The following UBE2S variants were observed in gnomAD, a reference collection of about 807,000 sequenced individuals.
UBE2S encodes ubiquitin-conjugating enzyme E2 S.
In UBE2S, 3 loss-of-function variants were observed where a neutral mutation model predicts 12.3. The ratio of observed to expected loss-of-function variants is 0.24; its 90% CI spans 0.11 to 0.63. UBE2S has a LOEUF of 0.63. Among genes scored for constraint, UBE2S ranks in the 30% least tolerant of loss-of-function variants. The pLI is 0.85. For synonymous variants in UBE2S, 133 were observed against 142.0 expected (o/e 0.94, Z 0.45); for missense variants, 211 against 313.9 (o/e 0.67, Z 2.48).
At position 55,400,459 on chromosome 19, in the gene UBE2S, G is replaced by T. The variant is rs1406587335; in HGVS notation, c.*977C>A. On this transcript the variant is annotated 3_prime_UTR_variant, in exon 4 of 4. Coordinates refer to ENST00000264552, the MANE Select transcript of UBE2S (RefSeq NM_014501.3). The stretch of plus-strand genomic sequence containing the variant: ...AGGGCAGAAACTAAGACTAAGCTGG[G>T]ATCTTACCCCTGTGATTTAGTCATT... The T allele has an allele frequency of 6.6e-6, 1 of 152,134 alleles. No individual in the cohort carries two copies. The highest frequency in any genetic ancestry group is 1.5e-5 in the Non-Finnish European group (1 of 68,036). 9.4% of individuals were successfully genotyped at this position (152,134 alleles called of 1,614,324 possible).
chr19:55,404,145 A>C lies in UBE2S; in HGVS notation c.342+143T>G. 9.3e-6 allele frequency: 10 copies of C among 1,075,734 alleles called. No individual in the cohort carries two copies. The highest frequency in any genetic ancestry group is 1.6e-5 in the African/African-American group (1 of 62,964). The allele number at this position is 1,075,734 out of a possible 1,614,324, so 66.6% of individuals were successfully genotyped here. On this transcript the variant is annotated intron_variant, in intron 3 of 3. Coordinates refer to ENST00000264552, the MANE Select transcript of UBE2S (RefSeq NM_014501.3). This position sits in a 1 kb window ranked among gnomAD's most constrained non-coding sequence, Gnocchi z 4.4. ...TCTGGCACTGTTTGTCTTTCCAGGA[A>C]AGCTAGCAACATGGATTTTTATGTG...
At chr19:55,407,556 C>T in intron 1 of UBE2S, 31 bp downstream of exon 1, 4 of 1,520,740 alleles carry the variant, frequency 2.6e-6, no homozygotes, top group Non-Finnish European at 3.5e-6. Context: ...CACCCCCGAC[C>T]ACCTTCATGG....
At position 55,404,260 on chromosome 19, in the gene UBE2S, G is replaced by A. The variant is rs2090082249; in HGVS notation, c.342+28C>T. 1 of 1,611,922 alleles carries A rather than the reference G, an allele frequency of 6.2e-7. No homozygotes were observed. The highest frequency in any genetic ancestry group is 8.5e-7 in the Non-Finnish European group (1 of 1,179,788). ...AGCAGACCTCCAGAGGCAGGAGGCA[G>A]GAGGCCCAGCCCCAGCCCAGAACTC... is the stretch of plus-strand genomic sequence containing the variant. On this transcript the variant is annotated intron_variant, in intron 3 of 3. Transcript: ENST00000264552. This position sits in a 1 kb window ranked among gnomAD's most constrained non-coding sequence, Gnocchi z 4.4.
chr19:55,406,994 G>A lies in UBE2S; in HGVS notation c.4-32C>T, dbSNP rs73932629. 43 of 1,608,454 alleles carry A rather than the reference G, an allele frequency of 2.7e-5. No homozygotes were observed. In the Admixed American group the frequency reaches 7.2e-4, roughly 27 times the overall value. On this transcript the variant is annotated intron_variant, in intron 1 of 3. Coordinates refer to ENST00000264552, the MANE Select transcript of UBE2S (RefSeq NM_014501.3). ...ACGGATGGGAGAGCAGGGTGAGCGA[G>A]TGTTAAGAGCTGGGCTTCCCGCAGG...
chr19:55,403,210 T>C (rs1046521226), intron 3 of UBE2S: 20 of 641,804 alleles, frequency 3.1e-5, no homozygotes, highest in Non-Finnish European at 5.4e-5. Flanking sequence ...CACTGGTTTA[T>C]GAACCCTATC....
chr19:55,403,049 T>C (rs1249165932), intron 3 of UBE2S: 3 of 1,429,308 alleles, frequency 2.1e-6, no homozygotes, highest in South Asian at 1.2e-5. Flanking sequence ...TTCTGTGTCA[T>C]GGAGCCATCT....
intron 2 of UBE2S, among the ~76,000 whole-genome samples, chr19:55,405,082 T>C (rs545810378): frequency 2.7e-5 from 4 of 149,460 alleles, no homozygotes; most frequent in Non-Finnish European, 4.4e-5. Context: ...TGGTGGTGCA[T>C]GCCTGTAATC....
At position 55,401,165 on chromosome 19, in the gene UBE2S, A is replaced by C. The variant is rs2090054709; in HGVS notation, c.*271T>G. 1 of 520,976 alleles carries C rather than the reference A, an allele frequency of 1.9e-6. No homozygotes were observed. The highest frequency in any genetic ancestry group is 3.4e-6 in the Non-Finnish European group (1 of 296,164). The allele number at this position is 520,976 out of a possible 1,614,324, so 32.3% of individuals were successfully genotyped here. On this transcript the variant is annotated 3_prime_UTR_variant, in exon 4 of 4. Transcript: ENST00000264552. ...ACAGCAAGGCTGGTGAGCTAGATGG[A>C]CCCACTGCTGCAGTCCATGAGGCTT...
chr19:55,404,018 A>G lies in UBE2S; in HGVS notation c.342+270T>C. ...GGCCTACCCTATCCTTGTTTTTTAA[A>G]AAAAAGGGAGAAGAGAAAAACCATC... On this transcript the variant is annotated intron_variant, in intron 3 of 3. Transcript: ENST00000264552. The surrounding 1 kb of genome is among the most constrained non-coding windows in gnomAD (Gnocchi z 4.4). 1 of 421,596 alleles carries G rather than the reference A, an allele frequency of 2.4e-6. No homozygotes were observed. Among genetic ancestry groups the G allele is most frequent in the Non-Finnish European group, 4.3e-6 (1 of 231,378 alleles). The allele number at this position is 421,596 out of a possible 1,614,324, so 26.1% of individuals were successfully genotyped here.
intron 1 of UBE2S, 148 bp downstream of exon 1, chr19:55,407,439 G>C: frequency 1.2e-6 from 1 of 858,012 alleles, no homozygotes; most frequent in South Asian, 2.0e-5. Context: ...CTCCGCCTGC[G>C]GGAAGGCCCT....
chr19:55,402,487 TCCAGCAGCC>T (rs1489060496), intron 3 of UBE2S, among the ~76,000 whole-genome samples: 4 of 152,142 alleles, frequency 2.6e-5, no homozygotes, highest in Admixed American at 1.3e-4. Flanking sequence ...CAGCCAGGCC[TCCAGCAGCC>T]CCAGCTGGAT....
chr19:55,404,538 C>T lies in UBE2S; in HGVS notation c.152-60G>A, dbSNP rs1449211911. On this transcript the variant is annotated intron_variant, in intron 2 of 3. Transcript: ENST00000264552. This position sits in a 1 kb window ranked among gnomAD's most constrained non-coding sequence, Gnocchi z 4.4. ...TCAGGAGTCCCAAGGCACCTCAACACCCCAAAGTCCAGTCTCCACGGTCTG... is the reference window on the plus strand; with the variant it reads ...TCAGGAGTCCCAAGGCACCTCAACATCCCAAAGTCCAGTCTCCACGGTCTG... 2 of 1,460,556 alleles carry T rather than the reference C, an allele frequency of 1.4e-6. No individual in the cohort carries two copies. The highest frequency in any genetic ancestry group is 1.8e-6 in the Non-Finnish European group (2 of 1,082,732). The allele number at this position is 1,460,556 out of a possible 1,614,324, so 90.5% of individuals were successfully genotyped here.
At chr19:55,403,318 G>A (rs962338920) in intron 3 of UBE2S, 9 of 543,602 alleles carry the variant, frequency 1.7e-5, no homozygotes, top group Middle Eastern at 4.9e-4. Context: ...CCCCATCTCT[G>A]CAAACCATAA....
rs2090053148 is a variant in UBE2S, at chr19:55,401,016, G to C, written c.*420C>G. On this transcript the variant is annotated 3_prime_UTR_variant, in exon 4 of 4. Transcript: ENST00000264552. ...ATTCTAGAGGGAGAAGTATAGGGCA[G>C]TGCCGCTCAGGCCACCAGGAGCAGC... 4.8e-6 allele frequency: 1 copy of C among 210,402 alleles called. No individual in the cohort carries two copies. Among genetic ancestry groups the C allele is most frequent in the Non-Finnish European group, 9.7e-6 (1 of 102,864 alleles). 13.0% of individuals were successfully genotyped at this position (210,402 alleles called of 1,614,324 possible). A position where few individuals can be genotyped will look rare whatever the true frequency, so the allele number is the denominator to read the frequency against.
Position 55,401,143 on chromosome 19 carries a change from GCAAGGCTGGTGAGCTAGATGGAC to G in UBE2S, c.*270_*292del, listed in dbSNP as rs2090054478. The G allele has an allele frequency of 2.1e-6, 1 of 480,172 alleles. No homozygotes were observed. Among genetic ancestry groups the G allele is most frequent in the Admixed American group, 4.0e-5 (1 of 25,294 alleles). 29.7% of individuals were successfully genotyped at this position (480,172 alleles called of 1,614,324 possible). A position where few individuals can be genotyped will look rare whatever the true frequency, so the allele number is the denominator to read the frequency against. On this transcript the variant is annotated 3_prime_UTR_variant, in exon 4 of 4. Coordinates refer to ENST00000264552, the MANE Select transcript of UBE2S (RefSeq NM_014501.3). Reference sequence around the variant, plus strand: ...AAGAGGTGGACCCAAACCTCAAACAGCAAGGCTGGTGAGCTAGATGGACCCACTGCTGCAGTCCATGAGGCTTT... The same window carrying G: ...AAGAGGTGGACCCAAACCTCAAACAGCCACTGCTGCAGTCCATGAGGCTTT...
At chr19:55,402,327 C>T (rs1483173024) in intron 3 of UBE2S, among the ~76,000 whole-genome samples, 3 of 152,218 alleles carry the variant, frequency 2.0e-5, no homozygotes, top group African/African-American at 7.2e-5. Context: ...AGTTCACAGC[C>T]TAAGACTCTA....
chr19:55,403,110 T>A, intron 3 of UBE2S: 1 of 902,334 alleles, frequency 1.1e-6, no homozygotes, highest in Non-Finnish European at 1.8e-6. Context: ...CACTAGATGC[T>A]AGTGGCACCC....
At chr19:55,403,730 ATTTTT>A (rs1418461712) in intron 3 of UBE2S, among the ~76,000 whole-genome samples, 2 of 133,430 alleles carry the variant, frequency 1.5e-5, no homozygotes, top group Non-Finnish European at 3.1e-5. Flanking sequence ...TTCCTGTTTT[ATTTTT>A]TATCTTATTT....
chr19:55,407,045 G>A, intron 1 of UBE2S, 83 bp from the exon 2 acceptor site: 1 of 1,517,570 alleles, frequency 6.6e-7, no homozygotes, highest in South Asian at 1.3e-5. Context: ...GACTGCCCAA[G>A]TCTTGACTCA....
Sources: gnomAD v4.1 joint callset for allele counts (sites outside exome capture counted in the v4.1 genomes callset) on GRCh38, gnomAD v4.1.1 for gene constraint, Gnocchi (gnomAD v3.1) non-coding constraint, MANE v1.5 for transcripts, NCBI Gene and HGNC (gene_info 2026-07-23, HGNC 2026-07-21) for gene names.